Variants in LY6G5B observed in about 807,000 individuals in gnomAD.
LY6G5B encodes lymphocyte antigen 6 complex locus protein G5b.
LY6G5B carries 6 observed loss-of-function variants against 6.7 expected under a neutral mutation model. That is an observed-to-expected ratio of 0.89 (90% CI 0.49 to 1.76). The LOEUF (loss-of-function observed/expected upper bound fraction) is 1.76, where lower values mean the gene tolerates loss of function less well. Ranked by LOEUF, LY6G5B falls within the 40% of genes most tolerant of loss-of-function variation. LY6G5B has a pLI of 0.01. For synonymous variants in LY6G5B, 98 were observed against 99.4 expected (o/e 0.99, Z 0.09); for missense variants, 240 against 249.5 (o/e 0.96, Z 0.26).
Position 31,671,136 on chromosome 6 carries a change from C to T in LY6G5B, c.59-20C>T, listed in dbSNP as rs1419110089. On this transcript the variant is annotated intron_variant, in intron 1 of 2. Coordinates refer to ENST00000375864, the Ensembl canonical transcript of LY6G5B. ...TTTGAGAGTGACCCAGTGCCTCCAT[C>T]CCTCCTTCTGCCTCCCCAGTTCCTG... 1 of 1,613,746 alleles carries T rather than the reference C, an allele frequency of 6.2e-7. No homozygotes were observed. Among genetic ancestry groups the T allele is most frequent in the African/African-American group, 1.3e-5 (1 of 74,890 alleles).
chr6:31,672,471 G>C (rs1007361152), exon 3 of LY6G5B: 13 of 678,448 alleles, frequency 1.9e-5, no homozygotes, highest in African/African-American at 1.1e-4. Context: ...TTGAGACAAA[G>C]TCTCGCTCTG....
At chr6:31,671,680 A>C (rs1802228860) in intron 2 of LY6G5B, among the ~76,000 whole-genome samples, 184 bp from the exon 3 acceptor site, 1 of 152,094 alleles carries the variant, frequency 6.6e-6, no homozygotes, top group Non-Finnish European at 1.5e-5. Flanking sequence ...AAAAACCAGA[A>C]GAATCTTGGA....
chr6:31,670,103 G>A (rs1002874034), upstream of LY6G5B: 4 of 630,356 alleles, frequency 6.3e-6, no homozygotes, highest in African/African-American at 7.4e-5. Context: ...TTGGGGAAGG[G>A]AAGGTGATGG....
chr6:31,672,071 A>G lies in LY6G5B; in HGVS notation c.395A>G (p.Gln132Arg), dbSNP rs768409869. Residue 132 changes from glutamine (Q) to arginine (R), a missense_variant, in exon 3 of 3, where the codon CAG becomes CGG. By Grantham distance (43) the Gln-to-Arg change is conservative. Transcript: ENST00000375864. Reference sequence around the variant, plus strand: ...CTGGCCCTGCCTCTGTCTGACTCCCAGATTCAGTGGTTCTACCAGGCCCTG... The same window carrying G: ...CTGGCCCTGCCTCTGTCTGACTCCCGGATTCAGTGGTTCTACCAGGCCCTG... 255 of 1,612,954 alleles carry G rather than the reference A, an allele frequency of 1.6e-4. No individual in the cohort carries two copies. Among genetic ancestry groups the G allele is most frequent in the Non-Finnish European group, 2.1e-4 (251 of 1,180,028 alleles).
chr6:31,671,816 C>G (rs1460608525), intron 2 of LY6G5B, 48 bp from the exon 3 acceptor site: 1 of 1,557,710 alleles, frequency 6.4e-7, no homozygotes, highest in Non-Finnish European at 8.7e-7. Context: ...GGTTCTTGGA[C>G]TATGGGAAGC....
rs143134683 is a variant in LY6G5B at position 31,670,510 on chromosome 6, T to C, written c.-441T>C. On this transcript the variant is annotated 5_prime_UTR_variant, in exon 1 of 3. An upstream start codon of the reference 5' UTR is lost. Transcript: ENST00000375864. ...ACTGCTCATCTCAGAAGGATGGGGA[T>C]GCTTGATTTCCTGGCCAGGTTGTCC... 261 of 182,672 alleles carry C rather than the reference T, an allele frequency of 1.4e-3. 1 individual carries two copies. Among genetic ancestry groups the C allele is most frequent in the African/African-American group, 5.0e-3 (210 of 42,366 alleles). The allele number at this position is 182,672 out of a possible 1,614,324, so 11.3% of individuals were successfully genotyped here.
exon 2 of LY6G5B, chr6:31,671,200 G>A (rs1802184003): frequency 6.2e-7 from 1 of 1,613,986 alleles, no homozygotes; most frequent in Non-Finnish European, 8.5e-7. Flanking sequence ...CCTCGTAGAA[G>A]ACCCTTCTGT....
chr6:31,670,096 G>C, upstream of LY6G5B: 1 of 640,720 alleles, frequency 1.6e-6, no homozygotes, highest in Non-Finnish European at 2.6e-6. Context: ...CTTGCTGTTG[G>C]GGAAGGGAAG....
exon 3 of LY6G5B, chr6:31,671,871 G>A (rs1380175288): frequency 1.2e-6 from 2 of 1,605,764 alleles, no homozygotes; most frequent in African/African-American, 2.7e-5. Context: ...CAGATGTCAA[G>A]GTTCGCTTCA....
chr6:31,671,277 C>CTATT lies in LY6G5B; in HGVS notation c.181_184dup (p.Tyr62LeufsTer3). 6.2e-7 allele frequency: 1 copy of CTATT among 1,613,488 alleles called. No homozygotes were observed. The highest frequency in any genetic ancestry group is 8.5e-7 in the Non-Finnish European group (1 of 1,179,956). ...CATCCCTGTGCATGGTGATCACCATCTATTATGGTAAATAAGGTCCCAGGA... is the reference window on the plus strand; with the variant it reads ...CATCCCTGTGCATGGTGATCACCATCTATTTATTATGGTAAATAAGGTCCCAGGA... On this transcript the variant is annotated frameshift_variant, in exon 2 of 3. Transcript: ENST00000375864. LOFTEE classifies it low-confidence loss of function (END_TRUNC).
exon 3 of LY6G5B, chr6:31,672,415 T>C (rs912030131): frequency 9.9e-6 from 10 of 1,011,136 alleles, no homozygotes; most frequent in South Asian, 1.6e-5. Flanking sequence ...TATATGACTT[T>C]TGTGTAATTT....
chr6:31,672,018 C>T, exon 3 of LY6G5B: 1 of 1,613,090 alleles, frequency 6.2e-7, no homozygotes, highest in South Asian at 1.1e-5. Flanking sequence ...AACTCCAGAG[C>T]TCTCTGCCGG....
chr6:31,671,584 T>C (rs949635250), intron 2 of LY6G5B, among the ~76,000 whole-genome samples: 1 of 152,046 alleles, frequency 6.6e-6, no homozygotes, highest in African/African-American at 2.4e-5. Flanking sequence ...GGGAGATCTC[T>C]TAAACTCAGG....
chr6:31,670,717 C>A (rs948690414), exon 1 of LY6G5B: 8 of 542,166 alleles, frequency 1.5e-5, no homozygotes, highest in Admixed American at 1.0e-4. Context: ...CCATTACTCC[C>A]ACACTCAGGA....
chr6:31,672,177 C>T (rs1398187415), exon 3 of LY6G5B: 19 of 1,613,014 alleles, frequency 1.2e-5, no homozygotes, highest in Non-Finnish European at 1.6e-5. Flanking sequence ...TGTCCCTGAA[C>T]CTGGGCTTGT....
intron 2 of LY6G5B, 128 bp downstream of exon 2, chr6:31,671,412 A>G (rs1802207427): frequency 2.9e-6 from 4 of 1,378,132 alleles, no homozygotes; most frequent in Admixed American, 3.6e-5. Context: ...GCAATGGCTC[A>G]TGCCTGTAAC....
intron 2 of LY6G5B, among the ~76,000 whole-genome samples, 166 bp from the exon 3 acceptor site, chr6:31,671,698 G>A (rs34676219): frequency 3.3e-5 from 5 of 152,090 alleles, no homozygotes; most frequent in African/African-American, 1.2e-4. Flanking sequence ...GGAAGGAGGG[G>A]TCTAAGGTTC....
chr6:31,671,429 A>T, intron 2 of LY6G5B, 145 bp downstream of exon 2: 1 of 1,236,928 alleles, frequency 8.1e-7, no homozygotes, highest in Non-Finnish European at 1.1e-6. Context: ...TAACCCTAGC[A>T]CTTTGGGAGG....
rs150702998 is a variant in LY6G5B, at chr6:31,671,479, C to A, written c.187+195C>A. On this transcript the variant is annotated intron_variant, in intron 2 of 2. Transcript: ENST00000375864. ...TCACTTAAGCTCTAGAGTTCAAGAC[C>A]AGCCTAGGCAACATAGTGAGACCCT... is the stretch of plus-strand genomic sequence containing the variant. Among the ~76,000 whole-genome samples, 221 of 152,170 alleles carry A rather than the reference C, an allele frequency of 1.5e-3. 4 individuals are homozygous for A. The Middle Eastern group carries it at 0.017, about 12-fold the overall frequency.
Sources: allele counts gnomAD v4.1 joint callset (sites outside exome capture counted in the v4.1 genomes callset), GRCh38; gene constraint gnomAD v4.1.1; transcripts MANE v1.5; gene names NCBI Gene and HGNC (gene_info 2026-07-23, HGNC 2026-07-21).